The following DDAH1 variants were observed in gnomAD, a reference collection of about 807,000 sequenced individuals.
DDAH1 encodes the protein dimethylarginine dimethylaminohydrolase 1.
Under a neutral mutation model 28.8 loss-of-function variants are expected in DDAH1, and 19 were observed. The ratio of observed to expected loss-of-function variants is 0.66; its 90% confidence interval spans 0.46 to 0.97. DDAH1 has a LOEUF of 0.97. DDAH1 is among the 50% of genes least tolerant of loss of function. DDAH1 has a pLI of 0.00. For synonymous variants in DDAH1, 153 were observed against 154.4 expected (o/e 0.99, Z 0.07); for missense variants, 326 against 375.9 (o/e 0.87, Z 1.10).
At chr1:85,562,436 C>CA (rs1411008146) in intron 1 of DDAH1, among the ~76,000 whole-genome samples, 3 of 151,990 alleles carry the variant, frequency 2.0e-5, no homozygotes, top group Non-Finnish European at 2.9e-5. Context: ...TTGTGTCCCC[C>CA]AAAAAGATAG....
At chr1:85,548,947 T>C (rs1161485061) in intron 1 of DDAH1, among the ~76,000 whole-genome samples, 1 of 152,152 alleles carries the variant, frequency 6.6e-6, no homozygotes, top group Non-Finnish European at 1.5e-5. Flanking sequence ...GAGCCTGGGG[T>C]ACCCTGAAAA....
chr1:85,531,591 A>G (rs1413638718), intron 1 of DDAH1, among the ~76,000 whole-genome samples: 2 of 149,456 alleles, frequency 1.3e-5, no homozygotes, highest in Non-Finnish European at 3.0e-5. Context: ...CCTCACAATG[A>G]GCCAGGGAAG....
chr1:85,465,284 C>G, upstream of DDAH1: 1 of 991,974 alleles, frequency 1.0e-6, no homozygotes, highest in Non-Finnish European at 1.2e-6. Context: ...CTCGCGCCAG[C>G]CCAGGCGGGA....
In DDAH1 at chr1:85,457,448, T is replaced by C. The variant is rs533903806; in HGVS notation, c.303+7295A>G. ...TGTCTGTCACTGATCTGCCTCCCTC[T>C]CTGGACTGTGACATCCTCAGGGGCA... On this transcript the variant is annotated intron_variant, in intron 1 of 5. Transcript: ENST00000284031. 9.9e-5 allele frequency among the ~76,000 whole-genome samples: 15 copies of C among 152,220 alleles called. No individual in the cohort carries two copies. In the South Asian group the frequency reaches 2.7e-3, roughly 27 times the overall value.
intron 1 of DDAH1, among the ~76,000 whole-genome samples, chr1:85,571,937 G>C (rs1471381092): frequency 6.6e-6 from 1 of 152,048 alleles, no homozygotes; most frequent in African/African-American, 2.4e-5. Flanking sequence ...AACATTCAAT[G>C]CTCAGGGACA....
rs185755985 is a variant in DDAH1, at chr1:85,470,165, A to G, written c.-7+26001T>C. Among the ~76,000 whole-genome samples the G allele has an allele frequency of 7.2e-5, 11 of 152,332 alleles. No individual in the cohort carries two copies. In the East Asian group the frequency reaches 2.1e-3, roughly 29 times the overall value. On this transcript the variant is annotated intron_variant, in intron 2 of 6. Transcript: ENST00000426972. Reference sequence around the variant, plus strand: ...GTATTAGTCTGTTTTCACACTGCTGATAAAGACATACCCGAGACTGGGTAA... The same window carrying G: ...GTATTAGTCTGTTTTCACACTGCTGGTAAAGACATACCCGAGACTGGGTAA...
At chr1:85,536,203 C>T (rs1164037342) in intron 1 of DDAH1, among the ~76,000 whole-genome samples, 1 of 151,572 alleles carries the variant, frequency 6.6e-6, no homozygotes, top group African/African-American at 2.4e-5. Flanking sequence ...CATCACTGTA[C>T]TTCAGACTGG....
At chr1:85,479,877 C>G (rs1655948701) in intron 2 of DDAH1, among the ~76,000 whole-genome samples, 2 of 152,168 alleles carry the variant, frequency 1.3e-5, no homozygotes, top group Admixed American at 1.3e-4. Flanking sequence ...TCACAAAATT[C>G]TGATTTGGGA....
rs1655263693 is a variant in DDAH1 at position 85,464,573 on chromosome 1, TTCTCTCTG to T, written c.303+162_303+169del. Reference sequence around the variant, plus strand: ...CAGCCGGGAGGTGTGAACAATGAACTTCTCTCTGACTCTCTGACACACACACACACACA... The same window carrying T: ...CAGCCGGGAGGTGTGAACAATGAACTACTCTCTGACACACACACACACACA... On this transcript the variant is annotated intron_variant, in intron 1 of 5. Transcript: ENST00000284031. The surrounding 1 kb of genome is among the most constrained non-coding windows in gnomAD (Gnocchi z 4.4). 9 of 1,519,586 alleles carry T rather than the reference TTCTCTCTG, an allele frequency of 5.9e-6. No individual in the cohort carries two copies. Among genetic ancestry groups the T allele is most frequent in the Non-Finnish European group, 7.9e-6 (9 of 1,140,192 alleles). The allele number at this position is 1,519,586 out of a possible 1,614,324, so 94.1% of individuals were successfully genotyped here.
chr1:85,337,554 A>T lies in DDAH1; in HGVS notation c.598-12671T>A, dbSNP rs1485833129. ...CTGCAACTTCTGCCTCCTGGGTTCAAGCAATTCTCCTGCCTCAGCCTCCCG... is the reference window on the plus strand; with the variant it reads ...CTGCAACTTCTGCCTCCTGGGTTCATGCAATTCTCCTGCCTCAGCCTCCCG... On this transcript the variant is annotated intron_variant, in intron 4 of 5. Coordinates refer to ENST00000284031, the MANE Select transcript of DDAH1 (RefSeq NM_012137.4). Among the ~76,000 whole-genome samples, 38 of 151,946 alleles carry T rather than the reference A, an allele frequency of 2.5e-4. 2 individuals carry two copies. The highest frequency in any genetic ancestry group is 2.5e-3 in the Admixed American group (38 of 15,244).
At chr1:85,422,098 T>G (rs1359424531) in intron 1 of DDAH1, among the ~76,000 whole-genome samples, 2 of 152,250 alleles carry the variant, frequency 1.3e-5, no homozygotes, top group Non-Finnish European at 2.9e-5. Flanking sequence ...TTTTAAAATT[T>G]TAGCCATTTG....
chr1:85,459,662 T>C (rs776377430), intron 1 of DDAH1, among the ~76,000 whole-genome samples: 3 of 152,240 alleles, frequency 2.0e-5, no homozygotes, highest in Non-Finnish European at 4.4e-5. Context: ...TGGGGCAGCT[T>C]TCTCACTTGA....
chr1:85,438,436 T>C (rs1654037705), intron 1 of DDAH1, among the ~76,000 whole-genome samples: 1 of 152,106 alleles, frequency 6.6e-6, no homozygotes, highest in African/African-American at 2.4e-5. Context: ...AATGTAGAGG[T>C]TTAAAATCTA....
At position 85,319,913 on chromosome 1, in the gene DDAH1, T is replaced by G. The variant is rs767436597; in HGVS notation, c.*1539A>C. 1 of 152,316 alleles carries G rather than the reference T, an allele frequency of 6.6e-6. No homozygotes were observed. The highest frequency in any genetic ancestry group is 2.4e-5 in the African/African-American group (1 of 41,570). The allele number at this position is 152,316 out of a possible 1,614,324, so 9.4% of individuals were successfully genotyped here. A position where few individuals can be genotyped will look rare whatever the true frequency, so the allele number is the denominator to read the frequency against. On this transcript the variant is annotated 3_prime_UTR_variant, in exon 6 of 6. Coordinates refer to ENST00000284031, the MANE Select transcript of DDAH1 (RefSeq NM_012137.4). ...AATGAAATGAATGAAAGTAATTCTCTTTAGGTCACCAACATAAGGAATAAT... is the reference window on the plus strand; with the variant it reads ...AATGAAATGAATGAAAGTAATTCTCGTTAGGTCACCAACATAAGGAATAAT...
intron 1 of DDAH1, among the ~76,000 whole-genome samples, chr1:85,427,427 C>CAGCT (rs759040294): frequency 5.5e-4 from 83 of 152,190 alleles, no homozygotes; most frequent in Admixed American, 9.2e-4. Context: ...CAGAAGGAAG[C>CAGCT]AGCTAGTTAA....
intron 4 of DDAH1, among the ~76,000 whole-genome samples, chr1:85,325,344 TGCACGTGCGTGCGCGC>T (rs1392681347): frequency 7.1e-6 from 1 of 141,360 alleles, no homozygotes; most frequent in Non-Finnish European, 1.5e-5. Context: ...CGTGTGTGCA[TGCACGTGCGTGCGCGC>T]GCGCGCGCAC....
At chr1:85,468,283 T>G (rs1455658578), upstream of DDAH1, among the ~76,000 whole-genome samples, 2 of 152,242 alleles carry the variant, frequency 1.3e-5, no homozygotes. Flanking sequence ...TCTTCTATTT[T>G]GTGGCTCCAA....
At chr1:85,457,364 TG>T (rs1654933090) in intron 1 of DDAH1, among the ~76,000 whole-genome samples, 1 of 152,134 alleles carries the variant, frequency 6.6e-6, no homozygotes, top group Non-Finnish European at 1.5e-5. Flanking sequence ...CACATCTTCT[TG>T]AGCTTCCATG....
At chr1:85,510,834 A>G (rs1557707035) in intron 1 of DDAH1, among the ~76,000 whole-genome samples, 1 of 152,220 alleles carries the variant, frequency 6.6e-6, no homozygotes, top group African/African-American at 2.4e-5. Context: ...ATGCAGGAGG[A>G]CCCAGATTCA....
Sources: gnomAD v4.1 joint callset for allele counts (sites outside exome capture counted in the v4.1 genomes callset) on GRCh38, gnomAD v4.1.1 for gene constraint, Gnocchi (gnomAD v3.1) non-coding constraint, MANE v1.5 for transcripts, NCBI Gene and HGNC (gene_info 2026-07-23, HGNC 2026-07-21) for gene names.